RAB3A: variants seen among roughly 807,000 people sequenced by gnomAD.
RAB3A encodes ras-related protein Rab-3A.
In RAB3A, 5 loss-of-function variants were observed where a neutral mutation model predicts 19.7. That is an observed-to-expected ratio of 0.25 (90% CI 0.13 to 0.53). The LOEUF (loss-of-function observed/expected upper bound fraction) is 0.53. RAB3A is among the 20% of genes least tolerant of loss of function. The pLI, the probability that RAB3A is intolerant of heterozygous loss-of-function variation, is 0.95. For synonymous variants in RAB3A, 119 were observed against 122.1 expected (o/e 0.97, Z 0.17); for missense variants, 189 against 305.6 (o/e 0.62, Z 2.85).
chr19:18,202,854 C>T lies in RAB3A; in HGVS notation c.1-114G>A. 1.3e-6 allele frequency: 1 copy of T among 754,128 alleles called. No homozygotes were observed. Among genetic ancestry groups the T allele is most frequent in the Non-Finnish European group, 2.3e-6 (1 of 443,848 alleles). 46.7% of individuals were successfully genotyped at this position (754,128 alleles called of 1,614,324 possible). On this transcript the variant is annotated intron_variant, in intron 1 of 4. Coordinates refer to ENST00000222256, the MANE Select transcript of RAB3A (RefSeq NM_002866.5). The surrounding 1 kb of genome is among the most constrained non-coding windows in gnomAD (Gnocchi z 4.2). ...GAAAACGGCCGGTGTATGGAGGACA[C>T]CCTTATCCCATCAGGAGCCCCAGTA...
At chr19:18,200,238 G>A (rs765347107) in intron 3 of RAB3A, 89 bp downstream of exon 3, 19 of 1,097,270 alleles carry the variant, frequency 1.7e-5, no homozygotes, top group Non-Finnish European at 2.2e-5. Context: ...AGCCCTGATC[G>A]TGCCACTGCA....
At chr19:18,203,671 C>G (rs1285947032) in intron 1 of RAB3A, among the ~76,000 whole-genome samples, 1 of 152,212 alleles carries the variant, frequency 6.6e-6, no homozygotes, top group Non-Finnish European at 1.5e-5. Context: ...GAGCTCGGCT[C>G]CCCTCCCCCT....
rs1024230371 is a variant in RAB3A, at chr19:18,196,791, G to T, written c.*679C>A. 2.8e-5 allele frequency: 9 copies of T among 315,912 alleles called. No individual in the cohort carries two copies. Among genetic ancestry groups the T allele is most frequent in the Non-Finnish European group, 4.9e-5 (8 of 161,892 alleles). The allele number at this position is 315,912 out of a possible 1,614,324, so 19.6% of individuals were successfully genotyped here. A position where few individuals can be genotyped will look rare whatever the true frequency, so the allele number is the denominator to read the frequency against. On this transcript the variant is annotated 3_prime_UTR_variant, in exon 5 of 5. Transcript: ENST00000222256. Reference sequence around the variant, plus strand: ...GTGGGCAGGACCCGGTGCTCACAGGGACACACATGGATGGTCCATTCGCTT... The same window carrying T: ...GTGGGCAGGACCCGGTGCTCACAGGTACACACATGGATGGTCCATTCGCTT...
intron 2 of RAB3A, among the ~76,000 whole-genome samples, chr19:18,201,263 A>AGAAAGAAAGAAAGAAAGAAAG (rs1555819265): frequency 2.5e-5 from 3 of 121,774 alleles, no homozygotes; most frequent in East Asian, 4.9e-4. Context: ...AAAAAAAAAA[A>AGAAAGAAAGAAAGAAAGAAAG]AAAGAAAGAA....
chr19:18,197,874 T>C (rs1030101507), intron 4 of RAB3A, among the ~76,000 whole-genome samples: 36 of 54,254 alleles, frequency 6.6e-4, no homozygotes, highest in African/African-American at 2.1e-3. Flanking sequence ...CATTTCCTGC[T>C]TTTTTTTTTT....
rs1368166412 is a variant in RAB3A at position 18,197,676 on chromosome 19, G to A, written c.473-16C>T. ...AACTCGAACCCTGTGGTCAGAGAAG[G>A]CAGGGATGAGGACCCTGGCCACGCC... On this transcript the variant is annotated splice_polypyrimidine_tract_variant and intron_variant, in intron 4 of 4. Transcript: ENST00000222256. 1.9e-5 allele frequency: 30 copies of A among 1,599,188 alleles called. No homozygotes were observed. The highest frequency in any genetic ancestry group is 2.6e-5 in the Non-Finnish European group (30 of 1,170,082).
At chr19:18,199,470 A>G (rs114889959) in intron 3 of RAB3A, among the ~76,000 whole-genome samples, 1 of 151,614 alleles carries the variant, frequency 6.6e-6, no homozygotes, top group African/African-American at 2.4e-5. Flanking sequence ...ATTTTTTTTT[A>G]AAGTTATTAC....
At chr19:18,203,275 C>T (rs1967640370) in intron 1 of RAB3A, among the ~76,000 whole-genome samples, 1 of 152,242 alleles carries the variant, frequency 6.6e-6, no homozygotes, top group African/African-American at 2.4e-5. Context: ...CTCATCCGTA[C>T]ATACAGGAGT....
intron 3 of RAB3A, among the ~76,000 whole-genome samples, chr19:18,199,760 G>T (rs1286090230): frequency 1.3e-5 from 2 of 150,120 alleles, no homozygotes; most frequent in Non-Finnish European, 3.0e-5. Flanking sequence ...CCGACCTCAG[G>T]TGATCCACCT....
chr19:18,198,020 G>A (rs1165722632), intron 4 of RAB3A, among the ~76,000 whole-genome samples: 1 of 151,762 alleles, frequency 6.6e-6, no homozygotes, highest in Non-Finnish European at 1.5e-5. Context: ...TGGGATTATA[G>A]GTGTGAGCCA....
chr19:18,203,147 G>A (rs1308854527), intron 1 of RAB3A, among the ~76,000 whole-genome samples: 2 of 152,176 alleles, frequency 1.3e-5, no homozygotes, highest in African/African-American at 2.4e-5. Flanking sequence ...TCGAGGACGC[G>A]CATCTGCAGC....
intron 3 of RAB3A, 24 bp from the exon 4 acceptor site, chr19:18,198,873 A>G: frequency 6.2e-7 from 1 of 1,611,102 alleles, no homozygotes; most frequent in Non-Finnish European, 8.5e-7. Flanking sequence ...CAATGGGGGC[A>G]GGTCAGGGCT....
At chr19:18,198,891 T>A (rs749002715) in intron 3 of RAB3A, 42 bp from the exon 4 acceptor site, 1 of 1,601,406 alleles carries the variant, frequency 6.2e-7, no homozygotes, top group African/African-American at 1.3e-5. Context: ...GCTTGGAGGA[T>A]CCCAGCTCCA....
At chr19:18,203,461 C>T (rs1186379165) in intron 1 of RAB3A, among the ~76,000 whole-genome samples, 1 of 152,200 alleles carries the variant, frequency 6.6e-6, no homozygotes, top group African/African-American at 2.4e-5. Flanking sequence ...CATACCTGCA[C>T]AGGCGGTCCA....
At chr19:18,200,637 T>C (rs1312267832) in intron 2 of RAB3A, among the ~76,000 whole-genome samples, 192 bp from the exon 3 acceptor site, 2 of 152,014 alleles carry the variant, frequency 1.3e-5, no homozygotes, top group African/African-American at 2.4e-5. Flanking sequence ...CACAGAGTCA[T>C]TCACCAAACG....
chr19:18,197,311 T>G lies in RAB3A; in HGVS notation c.*159A>C, dbSNP rs1967542809. On this transcript the variant is annotated 3_prime_UTR_variant, in exon 5 of 5. Transcript: ENST00000222256. ...GGAGCCTGGGCCCCTGGGGGACATC[T>G]TCAATAAATAAATAAATAGCTACAA... The G allele has an allele frequency of 1.7e-5, 12 of 711,834 alleles. 1 individual carries two copies. The South Asian group carries it at 2.5e-4, about 15-fold the overall frequency. 44.1% of individuals were successfully genotyped at this position (711,834 alleles called of 1,614,324 possible).
Position 18,202,224 on chromosome 19 carries a change from C to G in RAB3A, c.228+289G>C. The G allele has an allele frequency of 5.4e-6, 2 of 371,694 alleles. No individual in the cohort carries two copies. Among genetic ancestry groups the G allele is most frequent in the Non-Finnish European group, 1.0e-5 (2 of 195,522 alleles). 23.0% of individuals were successfully genotyped at this position (371,694 alleles called of 1,614,324 possible). On this transcript the variant is annotated intron_variant, in intron 2 of 4. Coordinates refer to ENST00000222256, the MANE Select transcript of RAB3A (RefSeq NM_002866.5). This position sits in a 1 kb window ranked among gnomAD's most constrained non-coding sequence, Gnocchi z 4.2. ...TTCCAGCCTAGGGGACAGAGCAAGA[C>G]CACCCTGTCTCAAAAAACAAACAAA...
chr19:18,199,114 C>A (rs559425000), intron 3 of RAB3A, among the ~76,000 whole-genome samples: 1 of 152,022 alleles, frequency 6.6e-6, no homozygotes, highest in Non-Finnish European at 1.5e-5. Flanking sequence ...TGCCTGCCTT[C>A]GCTTCTCAAA....
chr19:18,197,397 G>A lies in RAB3A; in HGVS notation c.*73C>T. 6.9e-7 allele frequency: 1 copy of A among 1,455,748 alleles called. No individual in the cohort carries two copies. The highest frequency in any genetic ancestry group is 1.4e-5 in the African/African-American group (1 of 70,420). The allele number at this position is 1,455,748 out of a possible 1,614,324, so 90.2% of individuals were successfully genotyped here. On this transcript the variant is annotated 3_prime_UTR_variant, in exon 5 of 5. Transcript: ENST00000222256. Reference sequence around the variant, plus strand: ...GGGTCTTGTGCCCGTGGCTGGTAGGGGCCGGGTCAGGCCCGGGTAGTTGGG... The same window carrying A: ...GGGTCTTGTGCCCGTGGCTGGTAGGAGCCGGGTCAGGCCCGGGTAGTTGGG...
Sources: allele counts gnomAD v4.1 joint callset (sites outside exome capture counted in the v4.1 genomes callset), GRCh38; gene constraint gnomAD v4.1.1; non-coding constraint Gnocchi (gnomAD v3.1); transcripts MANE v1.5; gene names NCBI Gene and HGNC (gene_info 2026-07-23, HGNC 2026-07-21).